ZFAND3: variants seen among roughly 807,000 people sequenced by gnomAD.
ZFAND3 encodes AN1-type zinc finger protein 3.
ZFAND3 carries 10 observed loss-of-function variants against 29.6 expected under a neutral mutation model. That is an observed-to-expected ratio of 0.34 (90% CI 0.21 to 0.57). The LOEUF (loss-of-function observed/expected upper bound fraction) is 0.57. Ranked by LOEUF, ZFAND3 falls within the 20% of genes least tolerant of loss-of-function variation. The pLI is 0.86. For missense variants in ZFAND3, 230 were observed against 304.5 expected (o/e 0.76, Z 1.82); for synonymous variants, 128 against 112.6 (o/e 1.14, Z -0.87).
intron 2 of ZFAND3, among the ~76,000 whole-genome samples, chr6:37,944,668 T>C (rs925821058): frequency 6.6e-6 from 1 of 152,192 alleles, no homozygotes; most frequent in African/African-American, 2.4e-5. Context: ...TCATATAACT[T>C]GGGTAGCAAT....
intron 1 of ZFAND3, among the ~76,000 whole-genome samples, chr6:37,908,040 C>G (rs1319177724): frequency 6.6e-6 from 1 of 152,158 alleles, no homozygotes; most frequent in Non-Finnish European, 1.5e-5. Flanking sequence ...GTAGTTCCCA[C>G]CCCGCCGTTT....
chr6:37,947,465 C>T (rs1476509734), intron 2 of ZFAND3, among the ~76,000 whole-genome samples: 2 of 152,004 alleles, frequency 1.3e-5, no homozygotes, highest in African/African-American at 4.8e-5. Flanking sequence ...GTTACTATAC[C>T]TCCTTCCCTG....
chr6:37,965,545 T>C (rs11753267), intron 2 of ZFAND3, among the ~76,000 whole-genome samples: 10,343 of 149,244 alleles, frequency 0.069, 426 homozygotes, highest in Non-Finnish European at 0.088. Context: ...GTTATTCCAC[T>C]GCTTCCCAGG....
intron 2 of ZFAND3, among the ~76,000 whole-genome samples, chr6:37,987,785 C>T (rs1236756494): frequency 1.3e-5 from 2 of 152,200 alleles, no homozygotes; most frequent in Non-Finnish European, 2.9e-5. Flanking sequence ...CAATTCTCCT[C>T]ACTGGAAAGT....
rs537818260 is a variant in ZFAND3, at chr6:38,101,034, A to G, written c.362-15538A>G. On this transcript the variant is annotated intron_variant, in intron 4 of 5. Coordinates refer to ENST00000287218, the MANE Select transcript of ZFAND3 (RefSeq NM_021943.3). ...TCAAAATTGCGAACTTAACACTGATATAACATATAGTTGAGTTTTAGTATG... is the reference window on the plus strand; with the variant it reads ...TCAAAATTGCGAACTTAACACTGATGTAACATATAGTTGAGTTTTAGTATG... 1.4e-4 allele frequency among the ~76,000 whole-genome samples: 21 copies of G among 152,344 alleles called. No individual in the cohort carries two copies. The South Asian group carries it at 2.9e-3, about 21-fold the overall frequency.
At chr6:38,119,504 C>T (rs1333713886) in intron 5 of ZFAND3, among the ~76,000 whole-genome samples, 1 of 152,168 alleles carries the variant, frequency 6.6e-6, no homozygotes, top group Non-Finnish European at 1.5e-5. Context: ...AAATTCACAT[C>T]TCATAAATAA....
chr6:38,080,454 T>C (rs1473861173), intron 3 of ZFAND3, among the ~76,000 whole-genome samples: 2 of 152,102 alleles, frequency 1.3e-5, no homozygotes, highest in African/African-American at 2.4e-5. Context: ...CTTGGGAACA[T>C]AAAATCAAGT....
At chr6:37,876,074 A>G (rs1764788087) in intron 1 of ZFAND3, among the ~76,000 whole-genome samples, 1 of 152,206 alleles carries the variant, frequency 6.6e-6, no homozygotes, top group Non-Finnish European at 1.5e-5. Flanking sequence ...AATTTGAAAG[A>G]AAGTTTTACT....
At chr6:38,005,657 C>T (rs1391448142) in intron 2 of ZFAND3, among the ~76,000 whole-genome samples, 1 of 152,112 alleles carries the variant, frequency 6.6e-6, no homozygotes, top group Non-Finnish European at 1.5e-5. Flanking sequence ...TTAAAAATCA[C>T]ATTAATTTAT....
chr6:38,046,406 A>G (rs1397292852), intron 2 of ZFAND3, among the ~76,000 whole-genome samples: 1 of 152,254 alleles, frequency 6.6e-6, no homozygotes, highest in African/African-American at 2.4e-5. Context: ...CATTCAAGAC[A>G]TAATTACCCA....
Position 38,118,995 on chromosome 6 carries a change from G to A in ZFAND3, c.529+2256G>A, listed in dbSNP as rs1013945278. On this transcript the variant is annotated intron_variant, in intron 5 of 5. Transcript: ENST00000287218. ...AATTCCGAAAGTCTGCTTTTAGGGA[G>A]ATTTGACTTTTTCTGTTGGAGAAGA... Among the ~76,000 whole-genome samples the A allele has an allele frequency of 3.9e-5, 6 of 152,276 alleles. No individual in the cohort carries two copies. The East Asian group carries it at 5.8e-4, about 15-fold the overall frequency.
At chr6:38,034,269 C>A (rs555595611) in intron 2 of ZFAND3, among the ~76,000 whole-genome samples, 1 of 152,234 alleles carries the variant, frequency 6.6e-6, no homozygotes, top group African/African-American at 2.4e-5. Context: ...TCTACTCCAA[C>A]CCATGCAAGA....
chr6:38,100,987 T>G (rs1765081573), intron 4 of ZFAND3, among the ~76,000 whole-genome samples: 1 of 152,216 alleles, frequency 6.6e-6, no homozygotes, highest in South Asian at 2.1e-4. Context: ...CGGAATTATT[T>G]TACACAGCTA....
chr6:38,098,531 C>T (rs1304841808), intron 4 of ZFAND3, among the ~76,000 whole-genome samples: 2 of 150,148 alleles, frequency 1.3e-5, no homozygotes, highest in African/African-American at 4.9e-5. Context: ...GACAGAGTCT[C>T]GCTCTGTTGC....
intron 2 of ZFAND3, among the ~76,000 whole-genome samples, chr6:37,965,183 A>G (rs932920399): frequency 1.3e-5 from 2 of 152,182 alleles, no homozygotes; most frequent in African/African-American, 4.8e-5. Flanking sequence ...TATTCAGCAA[A>G]CTTATTCTGT....
chr6:37,994,491 C>T (rs1475558053), intron 2 of ZFAND3, among the ~76,000 whole-genome samples: 1 of 152,126 alleles, frequency 6.6e-6, no homozygotes, highest in Admixed American at 6.5e-5. Flanking sequence ...GCCAACACCC[C>T]CCTCATAGTA....
rs925156745 is a variant in ZFAND3, at chr6:38,014,727, C to G, written c.113-46866C>G. On this transcript the variant is annotated intron_variant, in intron 2 of 5. Coordinates refer to ENST00000287218, the MANE Select transcript of ZFAND3 (RefSeq NM_021943.3). Reference sequence around the variant, plus strand: ...CATGTTGCTGTTTGACTGAAATCCTCTTTCTCCTGGCGGATGGGATTGGCG... The same window carrying G: ...CATGTTGCTGTTTGACTGAAATCCTGTTTCTCCTGGCGGATGGGATTGGCG... Among the ~76,000 whole-genome samples the G allele has an allele frequency of 8.5e-5, 13 of 152,184 alleles. 1 individual carries two copies. Among genetic ancestry groups the G allele is most frequent in the Admixed American group, 2.6e-4 (4 of 15,276 alleles).
intron 4 of ZFAND3, among the ~76,000 whole-genome samples, chr6:38,092,834 C>G (rs1186376388): frequency 6.6e-6 from 1 of 152,168 alleles, no homozygotes; most frequent in Admixed American, 6.5e-5. Context: ...CGGTTTGATC[C>G]AGGAGTTTAT....
chr6:38,008,037 TAAC>T (rs1299268363), intron 2 of ZFAND3, among the ~76,000 whole-genome samples: 2 of 152,172 alleles, frequency 1.3e-5, no homozygotes, highest in Admixed American at 1.3e-4. Context: ...ACCTGCATTT[TAAC>T]AAGATCCCCA....
Sources: allele counts gnomAD v4.1 joint callset (sites outside exome capture counted in the v4.1 genomes callset), GRCh38; gene constraint gnomAD v4.1.1; transcripts MANE v1.5; gene names NCBI Gene and HGNC (gene_info 2026-07-23, HGNC 2026-07-21).